PKP4: variants seen among roughly 807,000 people sequenced by gnomAD.
PKP4 encodes the protein plakophilin-4.
A neutral mutation model predicts 145.1 loss-of-function variants in PKP4; 90 were observed. That is an observed-to-expected ratio of 0.62 (90% CI 0.52 to 0.74). The LOEUF is 0.74. Among genes scored for constraint, PKP4 ranks in the 30% least tolerant of loss-of-function variants. The pLI, the probability that PKP4 is intolerant of heterozygous loss-of-function variation, is 0.00. For synonymous variants in PKP4, 563 were observed against 577.2 expected, an observed-to-expected ratio of 0.98 and a Z score of 0.35; for missense variants, 1,340 against 1,482.7, an observed-to-expected ratio of 0.90 and a Z score of 1.58.
At chr2:158,554,303 G>T (rs10804395) in intron 2 of PKP4, among the ~76,000 whole-genome samples, 138,915 of 152,194 alleles carry the variant, frequency 0.91, 63,463 homozygotes, top group East Asian at 0.97. Flanking sequence ...GCCCATCCAG[G>T]CTCTGGTAGG....
intron 1 of PKP4, among the ~76,000 whole-genome samples, chr2:158,522,546 C>T (rs1299101406): frequency 6.6e-6 from 1 of 152,198 alleles, no homozygotes; most frequent in Non-Finnish European, 1.5e-5. Context: ...AGTGAACCCT[C>T]CTCTAAAACA....
At chr2:158,552,073 G>A (rs2045678539) in intron 2 of PKP4, among the ~76,000 whole-genome samples, 2 of 152,202 alleles carry the variant, frequency 1.3e-5, no homozygotes, top group Admixed American at 1.3e-4. Context: ...TTATCCAGGT[G>A]AGTTCTAAAT....
intron 2 of PKP4, among the ~76,000 whole-genome samples, chr2:158,561,359 C>T (rs895020366): frequency 1.3e-4 from 20 of 152,238 alleles, no homozygotes; most frequent in Middle Eastern, 3.4e-3. Context: ...GTATGGGGCC[C>T]GAAAGCTTGT....
chr2:158,671,293 AC>A (rs1277832933), intron 17 of PKP4, among the ~76,000 whole-genome samples: 1 of 151,738 alleles, frequency 6.6e-6, no homozygotes, highest in Admixed American at 6.6e-5. Context: ...CAGAAACCAC[AC>A]CTATCAGCAG....
chr2:158,584,718 T>A (rs763176769), intron 3 of PKP4, among the ~76,000 whole-genome samples: 2 of 152,210 alleles, frequency 1.3e-5, no homozygotes, highest in Non-Finnish European at 2.9e-5. Flanking sequence ...ATTGAAGATT[T>A]CATAAATGAA....
At chr2:158,533,013 A>G (rs1231707085) in intron 1 of PKP4, among the ~76,000 whole-genome samples, 167 bp from the exon 2 acceptor site, 4 of 152,188 alleles carry the variant, frequency 2.6e-5, no homozygotes, top group Non-Finnish European at 4.4e-5. Flanking sequence ...TAAGTTAGTC[A>G]TATTTACTTA....
chr2:158,535,729 T>C (rs1013202885), intron 2 of PKP4, among the ~76,000 whole-genome samples: 4 of 152,148 alleles, frequency 2.6e-5, no homozygotes, highest in Non-Finnish European at 5.9e-5. Context: ...CCCATAATTA[T>C]TATTTTTTTA....
chr2:158,524,451 C>G (rs201221044), intron 1 of PKP4, among the ~76,000 whole-genome samples: 1 of 123,682 alleles, frequency 8.1e-6, no homozygotes, highest in East Asian at 2.4e-4. Flanking sequence ...TTGTCACCAC[C>G]AGGCCAGCCC....
chr2:158,595,645 G>A (rs556023870), intron 3 of PKP4, among the ~76,000 whole-genome samples: 2 of 152,256 alleles, frequency 1.3e-5, no homozygotes, highest in East Asian at 3.9e-4. Context: ...CTTAAAGTAT[G>A]TTGTATCTCC....
At chr2:158,581,968 A>T (rs940163969) in intron 3 of PKP4, among the ~76,000 whole-genome samples, 8 of 152,224 alleles carry the variant, frequency 5.3e-5, no homozygotes, top group African/African-American at 1.9e-4. Flanking sequence ...TAAAACTAGC[A>T]CTATCAATAT....
At chr2:158,642,371 C>T (rs775804780) in intron 10 of PKP4, 115 bp from the exon 11 acceptor site, 29 of 767,758 alleles carry the variant, frequency 3.8e-5, no homozygotes, top group Non-Finnish European at 5.7e-5. Flanking sequence ...AAAAAGTAAC[C>T]TTTGAAATGG....
At chr2:158,524,277 A>G (rs1426454408) in intron 1 of PKP4, among the ~76,000 whole-genome samples, 227 of 115,712 alleles carry the variant, frequency 2.0e-3, no homozygotes, top group African/African-American at 7.9e-3. Flanking sequence ...GACTAACAGC[A>G]GATCTCTCGG....
At chr2:158,508,223 G>A (rs1219802974) in intron 1 of PKP4, among the ~76,000 whole-genome samples, 3 of 151,814 alleles carry the variant, frequency 2.0e-5, no homozygotes, top group Non-Finnish European at 4.4e-5. Context: ...AAATTAGCTG[G>A]GCATGGTGGC....
intron 4 of PKP4, among the ~76,000 whole-genome samples, 164 bp from the exon 5 acceptor site, chr2:158,620,826 A>G (rs868011628): frequency 5.3e-5 from 8 of 152,242 alleles, no homozygotes; most frequent in Non-Finnish European, 1.0e-4. Flanking sequence ...AGTATATGGA[A>G]CACATTCATA....
chr2:158,545,574 C>T (rs2044950552), intron 2 of PKP4, among the ~76,000 whole-genome samples: 1 of 152,114 alleles, frequency 6.6e-6, no homozygotes, highest in South Asian at 2.1e-4. Flanking sequence ...TAATCTTATA[C>T]TTATTTAAAC....
intron 1 of PKP4, among the ~76,000 whole-genome samples, chr2:158,511,315 G>A (rs1007616135): frequency 1.3e-5 from 2 of 152,140 alleles, no homozygotes; most frequent in African/African-American, 4.8e-5. Context: ...GAACCCAGGA[G>A]GCGGAGGTTG....
At chr2:158,635,834 T>C (rs902991734) in intron 9 of PKP4, among the ~76,000 whole-genome samples, 61 of 152,318 alleles carry the variant, frequency 4.0e-4, no homozygotes, top group African/African-American at 1.4e-3. Context: ...AAACTGGAAT[T>C]CAGGTGACTT....
At chr2:158,506,115 A>G (rs929372147) in intron 1 of PKP4, among the ~76,000 whole-genome samples, 1 of 152,238 alleles carries the variant, frequency 6.6e-6, no homozygotes. Flanking sequence ...TTTCCTTCAG[A>G]ATTGTGTTGC....
At chr2:158,573,682 A>T (rs2047601711) in intron 2 of PKP4, among the ~76,000 whole-genome samples, 1 of 150,206 alleles carries the variant, frequency 6.7e-6, no homozygotes, top group African/African-American at 2.4e-5. Flanking sequence ...ACTGTTTCAG[A>T]TTGAATTCTC....
Sources: allele counts gnomAD v4.1 joint callset (sites outside exome capture counted in the v4.1 genomes callset), GRCh38; gene constraint gnomAD v4.1.1; transcripts MANE v1.5; gene names NCBI Gene and HGNC (gene_info 2026-07-23, HGNC 2026-07-21).